VPS8: variants seen among roughly 807,000 people sequenced by gnomAD.
VPS8 encodes the protein vacuolar protein sorting-associated protein 8 homolog.
VPS8 carries 129 observed loss-of-function variants against 216.4 expected under a neutral mutation model. The observed-to-expected ratio is 0.60, with a 90% CI of 0.52 to 0.69. VPS8 has a LOEUF of 0.69. Among genes scored for constraint, VPS8 ranks in the 30% least tolerant of loss-of-function variants. The pLI is 0.00. For synonymous variants in VPS8, 571 were observed against 565.4 expected, an observed-to-expected ratio of 1.01 and a Z score of -0.14; for missense variants, 1,531 against 1,683.5, an observed-to-expected ratio of 0.91 and a Z score of 1.59.
chr3:184,886,118 G>T lies in VPS8; in HGVS notation c.1743G>T (p.Val581=), dbSNP rs776465312. The change falls in exon 22 of 48, where the codon GTG becomes GTT. Residue 581 remains valine, a synonymous_variant. Coordinates refer to ENST00000625842, the MANE Select transcript of VPS8 (RefSeq NM_001009921.3). ...TTATGGTTCCTCTACAGGATATGGT[G>T]CCTGTCATAGTTGATTACTGCCTTC... ...QVMEQHFQDM[V]PVIVDYCLLL... is the part of the protein sequence containing the mutation. 5.0e-6 allele frequency: 8 copies of T among 1,609,252 alleles called. 1 individual carries two copies. The African/African-American group carries it at 1.1e-4, about 21-fold the overall frequency.
chr3:184,863,090 C>T, intron 16 of VPS8, 23 bp downstream of exon 16: 1 of 1,608,524 alleles, frequency 6.2e-7, no homozygotes, highest in Non-Finnish European at 8.5e-7. Context: ...ACTTATCTTG[C>T]TATCCTAGAA....
At chr3:184,894,612 G>A in intron 22 of VPS8, 91 bp from the exon 23 acceptor site, 1 of 994,784 alleles carries the variant, frequency 1.0e-6, no homozygotes, top group Non-Finnish European at 1.5e-6. Context: ...GTAAGTTGAA[G>A]TAGGGAAAAG....
intron 1 of VPS8, among the ~76,000 whole-genome samples, chr3:184,823,523 C>T (rs1164881882): frequency 6.6e-6 from 1 of 152,170 alleles, no homozygotes; most frequent in Non-Finnish European, 1.5e-5. Context: ...TTTGAAAGAG[C>T]TTTGCACTGA....
At chr3:184,958,114 A>G (rs1378666675) in intron 37 of VPS8, among the ~76,000 whole-genome samples, 1 of 152,178 alleles carries the variant, frequency 6.6e-6, no homozygotes, top group African/African-American at 2.4e-5. Flanking sequence ...AAAGTTTCAC[A>G]TATTAAACGC....
chr3:184,900,812 T>C, intron 24 of VPS8, 109 bp from the exon 25 acceptor site: 1 of 909,818 alleles, frequency 1.1e-6, no homozygotes, highest in Non-Finnish European at 1.7e-6. Context: ...ATCTTAATGG[T>C]AAATGACTAA....
chr3:184,884,616 A>G (rs1390859870), intron 21 of VPS8, among the ~76,000 whole-genome samples: 1 of 152,160 alleles, frequency 6.6e-6, no homozygotes, highest in African/African-American at 2.4e-5. Context: ...CTATGCTAAC[A>G]GGCAGATTTT....
intron 36 of VPS8, among the ~76,000 whole-genome samples, chr3:184,942,458 G>T (rs1449931055): frequency 1.3e-5 from 2 of 152,098 alleles, no homozygotes; most frequent in African/African-American, 4.8e-5. Context: ...GTGCTCACAG[G>T]CCTTCCTCTC....
intron 29 of VPS8, among the ~76,000 whole-genome samples, chr3:184,924,485 C>T (rs1358672917): frequency 6.6e-6 from 1 of 151,338 alleles, no homozygotes; most frequent in African/African-American, 2.4e-5. Context: ...CCATTGCACT[C>T]GAGCTTGGGC....
chr3:185,004,325 C>G (rs1298018317), intron 45 of VPS8, among the ~76,000 whole-genome samples: 1 of 152,192 alleles, frequency 6.6e-6, no homozygotes, highest in Admixed American at 6.5e-5. Flanking sequence ...CAAAAAAATA[C>G]GAAAACCAGT....
chr3:184,964,598 T>C, intron 38 of VPS8, 41 bp downstream of exon 38: 1 of 1,268,478 alleles, frequency 7.9e-7, no homozygotes, highest in South Asian at 1.6e-5. Flanking sequence ...TTTCTGTCTA[T>C]TCCTCTATTC....
intron 21 of VPS8, among the ~76,000 whole-genome samples, chr3:184,884,622 AT>A (rs980363249): frequency 2.9e-4 from 44 of 150,676 alleles, no homozygotes; most frequent in Middle Eastern, 6.8e-3. Flanking sequence ...TAACAGGCAG[AT>A]TTTTTTTTTC....
At chr3:184,970,597 C>T (rs1228568504) in intron 39 of VPS8, among the ~76,000 whole-genome samples, 2 of 152,096 alleles carry the variant, frequency 1.3e-5, no homozygotes, top group Non-Finnish European at 2.9e-5. Context: ...TAGTAATCAG[C>T]GAGTAAAAAA....
intron 28 of VPS8, among the ~76,000 whole-genome samples, chr3:184,916,410 G>C (rs997946683): frequency 3.3e-5 from 5 of 152,008 alleles, no homozygotes; most frequent in Admixed American, 2.6e-4. Context: ...AGTATTTGGA[G>C]AAAAAAAGAC....
intron 22 of VPS8, among the ~76,000 whole-genome samples, chr3:184,888,341 A>T (rs1274163422): frequency 6.6e-6 from 1 of 152,112 alleles, no homozygotes; most frequent in African/African-American, 2.4e-5. Context: ...CTACGGGAGA[A>T]ATTTCTTTCC....
At chr3:184,921,680 C>A (rs1230005295) in intron 29 of VPS8, among the ~76,000 whole-genome samples, 1 of 152,082 alleles carries the variant, frequency 6.6e-6, no homozygotes, top group Admixed American at 6.5e-5. Flanking sequence ...TCTCCTGCCT[C>A]AGCCTCCAGA....
At chr3:184,938,641 CTTT>C (rs1298836777) in intron 35 of VPS8, among the ~76,000 whole-genome samples, 1 of 138,130 alleles carries the variant, frequency 7.2e-6, no homozygotes, top group Non-Finnish European at 1.5e-5. Context: ...CTTTTCTTTT[CTTT>C]TTTTCTTTTT....
intron 32 of VPS8, 120 bp downstream of exon 32, chr3:184,928,653 TAAC>T: frequency 1.2e-6 from 1 of 803,366 alleles, no homozygotes; most frequent in Non-Finnish European, 1.7e-6. Context: ...ATTATACAAA[TAAC>T]AAAAAGCTAA....
At chr3:184,909,590 C>T (rs1396267518) in intron 25 of VPS8, among the ~76,000 whole-genome samples, 1 of 152,052 alleles carries the variant, frequency 6.6e-6, no homozygotes, top group African/African-American at 2.4e-5. Context: ...ATTTTTCGGT[C>T]TAATTTCCAT....
chr3:184,852,619 A>G (rs892262207), intron 11 of VPS8, 52 bp downstream of exon 11: 11 of 1,541,632 alleles, frequency 7.1e-6, no homozygotes, highest in Non-Finnish European at 9.8e-6. Flanking sequence ...GCTCTGTTTT[A>G]ATGATTTGAA....
Sources: allele counts gnomAD v4.1 joint callset (sites outside exome capture counted in the v4.1 genomes callset), GRCh38; gene constraint gnomAD v4.1.1; transcripts MANE v1.5; gene names NCBI Gene and HGNC (gene_info 2026-07-23, HGNC 2026-07-21).